The following CNNM3 variants were observed in gnomAD, a reference collection of about 807,000 sequenced individuals.
CNNM3 encodes cyclin and CBS domain divalent metal cation transport mediator 3, also known as metal transporter CNNM3.
Under a neutral mutation model 57.1 loss-of-function variants are expected in CNNM3, and 47 were observed. That is an observed-to-expected ratio of 0.82 (90% CI 0.65 to 1.05). The LOEUF (loss-of-function observed/expected upper bound fraction) is 1.05, where lower values mean the gene tolerates loss of function less well. CNNM3 is among the 50% of genes least tolerant of loss of function. CNNM3 has a pLI of 0.00. For synonymous variants in CNNM3, 507 were observed against 478.2 expected, an observed-to-expected ratio of 1.06 and a Z score of -0.79; for missense variants, 957 against 973.7, an observed-to-expected ratio of 0.98 and a Z score of 0.23.
chr2:96,817,741 G>C lies in CNNM3; in HGVS notation c.1225+239G>C, dbSNP rs560240561. On this transcript the variant is annotated intron_variant, in intron 1 of 7. Transcript: ENST00000305510. ...AGACAGCGAACACTTTAACCCCCGC[G>C]TCAGGATAGCCCCCCCCCCCCATTT... Among the ~76,000 whole-genome samples, 42 of 145,668 alleles carry C rather than the reference G, an allele frequency of 2.9e-4. No homozygotes were observed. In the South Asian group the frequency reaches 6.8e-3, roughly 24 times the overall value.
rs973779687 is a variant in CNNM3, at chr2:96,833,083, A to C, written c.*467A>C. On this transcript the variant is annotated 3_prime_UTR_variant, in exon 8 of 8. Transcript: ENST00000305510. Reference sequence around the variant, plus strand: ...CTTTTTGAGCAAGCCGAGAGCACCCATTTTGGCTGGGGGTTCAGATCGATG... The same window carrying C: ...CTTTTTGAGCAAGCCGAGAGCACCCCTTTTGGCTGGGGGTTCAGATCGATG... 6.7e-6 allele frequency: 8 copies of C among 1,196,502 alleles called. No homozygotes were observed. The Admixed American group carries it at 6.9e-5, about 10-fold the overall frequency. The allele number at this position is 1,196,502 out of a possible 1,614,324, so 74.1% of individuals were successfully genotyped here.
At chr2:96,829,246 T>C in intron 7 of CNNM3, 112 bp downstream of exon 7, 2 of 1,356,162 alleles carry the variant, frequency 1.5e-6, no homozygotes, top group Non-Finnish European at 1.9e-6. Flanking sequence ...TTTCTCTCTT[T>C]TCTCCCCATC....
rs2079662884 is a variant in CNNM3 at position 96,834,717 on chromosome 2, C to T, written c.*2101C>T. 6.6e-6 allele frequency among the ~76,000 whole-genome samples: 1 copy of T among 152,156 alleles called. No individual in the cohort carries two copies. Among genetic ancestry groups the T allele is most frequent in the Non-Finnish European group, 1.5e-5 (1 of 68,042 alleles). ...TAACAGCTTACATATAACCTTGGTA[C>T]ATTTATCAAAACTAAAGGTGCAATC... On this transcript the variant is annotated 3_prime_UTR_variant, in exon 8 of 8. Transcript: ENST00000305510.
intron 2 of CNNM3, among the ~76,000 whole-genome samples, chr2:96,825,550 G>A (rs538370988): frequency 6.6e-6 from 1 of 152,276 alleles, no homozygotes; most frequent in South Asian, 2.1e-4. Context: ...TTTTGTTTTT[G>A]CAGGTTCTTT....
chr2:96,827,713 T>C lies in CNNM3; in HGVS notation c.1520-18T>C. On this transcript the variant is annotated intron_variant, in intron 3 of 7. Transcript: ENST00000305510. ...CTAGGCCCCAGTGGACACTGTCCCT[T>C]TTTTCCACCACGTGCAGAAGTGGAT... 2 of 1,606,292 alleles carry C rather than the reference T, an allele frequency of 1.2e-6. No individual in the cohort carries two copies. The highest frequency in any genetic ancestry group is 1.7e-6 in the Non-Finnish European group (2 of 1,174,106).
intron 1 of CNNM3, among the ~76,000 whole-genome samples, chr2:96,820,320 G>A (rs1037664626): frequency 1.3e-5 from 2 of 152,200 alleles, no homozygotes; most frequent in Admixed American, 6.5e-5. Context: ...GTGGCGGTGC[G>A]CCTTCACTAA....
intron 1 of CNNM3, 123 bp from the exon 2 acceptor site, chr2:96,824,933 CTG>C: frequency 9.7e-7 from 1 of 1,032,070 alleles, no homozygotes; most frequent in Non-Finnish European, 1.4e-6. Context: ...GAGTGTGGCT[CTG>C]TGCCTGGCAC....
intron 7 of CNNM3, among the ~76,000 whole-genome samples, chr2:96,830,381 G>T (rs922635772): frequency 9.2e-5 from 14 of 152,186 alleles, no homozygotes; most frequent in Admixed American, 5.9e-4. Flanking sequence ...CTGTTCTACA[G>T]GGCAGGAATG....
downstream of CNNM3, among the ~76,000 whole-genome samples, chr2:96,835,702 C>T (rs1374823870): frequency 2.6e-5 from 4 of 152,090 alleles, no homozygotes; most frequent in Non-Finnish European, 4.4e-5. Flanking sequence ...CTCCTGACTT[C>T]GTGATCTGCC....
intron 4 of CNNM3, 73 bp downstream of exon 4, chr2:96,827,973 G>A (rs2079538064): frequency 6.3e-7 from 1 of 1,578,610 alleles, no homozygotes; most frequent in African/African-American, 1.3e-5. Context: ...GAAGAGGGGA[G>A]CAGGGGCATG....
At chr2:96,829,215 G>GC (rs112517995) in intron 7 of CNNM3, 81 bp downstream of exon 7, 118 of 1,477,908 alleles carry the variant, frequency 8.0e-5, no homozygotes, top group Middle Eastern at 6.4e-4. Flanking sequence ...CACTCTCGCC[G>GC]CCCCCCCACC....
chr2:96,828,235 G>T, intron 5 of CNNM3, 40 bp downstream of exon 5: 1 of 1,525,104 alleles, frequency 6.6e-7, no homozygotes, highest in South Asian at 1.1e-5. Flanking sequence ...CCAGGGTGGA[G>T]GCTGCAGAGC....
chr2:96,828,211 G>A lies in CNNM3; in HGVS notation c.1786+16G>A. On this transcript the variant is annotated intron_variant, in intron 5 of 7. Transcript: ENST00000305510. ...CCATCCTCGGGTAAGCCACGGCCCT[G>A]CTGATGCTGAGGGCCAGGGTGGAGG... The A allele has an allele frequency of 6.3e-7, 1 of 1,597,642 alleles. No homozygotes were observed. The highest frequency in any genetic ancestry group is 1.3e-5 in the African/African-American group (1 of 74,622).
chr2:96,826,310 T>A (rs1227495449), intron 2 of CNNM3, among the ~76,000 whole-genome samples: 1 of 152,082 alleles, frequency 6.6e-6, no homozygotes, highest in Non-Finnish European at 1.5e-5. Flanking sequence ...CTTCCCAGAC[T>A]CAAGTGTTCC....
chr2:96,821,185 A>T (rs2079400956), intron 1 of CNNM3, among the ~76,000 whole-genome samples: 1 of 152,132 alleles, frequency 6.6e-6, no homozygotes, highest in Non-Finnish European at 1.5e-5. Context: ...TTCTGGTGAC[A>T]TCCCGGAGCT....
At position 96,816,883 on chromosome 2, in the gene CNNM3, C is replaced by T. The variant is rs2079328477; in HGVS notation, c.606C>T (p.Ala202=). The change falls in exon 1 of 8, where the codon GCC becomes GCT. Residue 202 remains alanine (A), a synonymous_variant. Coordinates refer to ENST00000305510, the MANE Select transcript of CNNM3 (RefSeq NM_017623.5). ...GCALGALLLL[A]SLAQAALAVL... ...CCTTGGGCGCGCTGCTGCTGCTGGC[C>T]AGCCTGGCGCAGGCGGCGCTGGCGG... is the stretch of plus-strand genomic sequence containing the variant. 2 of 1,107,128 alleles carry T rather than the reference C, an allele frequency of 1.8e-6. No homozygotes were observed. The highest frequency in any genetic ancestry group is 5.5e-5 in the East Asian group (1 of 18,176). 68.6% of individuals were successfully genotyped at this position (1,107,128 alleles called of 1,614,324 possible).
chr2:96,821,094 A>G (rs2079399560), intron 1 of CNNM3, among the ~76,000 whole-genome samples: 1 of 152,060 alleles, frequency 6.6e-6, no homozygotes, highest in South Asian at 2.1e-4. Context: ...CTGGAGGTTA[A>G]ATGGGGAGCT....
In CNNM3 at chr2:96,826,902, T is replaced by A; in HGVS notation, c.1439T>A (p.Leu480Ter). ...APLKRKEEFS[L>*]FKVSDDEYKV... ...CTGAAGCGGAAGGAGGAGTTCTCCT[T>A]GTTCAAGGTGTCTGATGATGAATAT... Residue 480 changes from leucine (L) to a stop codon, truncating the protein, a stop_gained, in exon 3 of 8, where the codon TTG becomes TAG. Transcript: ENST00000305510. LOFTEE classifies it high-confidence loss of function. The A allele has an allele frequency of 6.2e-7, 1 of 1,614,210 alleles. No individual in the cohort carries two copies. The highest frequency in any genetic ancestry group is 8.5e-7 in the Non-Finnish European group (1 of 1,180,032).
rs912744636 is a variant in CNNM3, at chr2:96,823,212, G to A, written c.1226-1846G>A. ...CCAGTGTGGCAGGCCATGGAGAATT[G>A]TGTGCCTTGTTCTAGAGAAGTTTGA... On this transcript the variant is annotated intron_variant, in intron 1 of 7. Coordinates refer to ENST00000305510, the MANE Select transcript of CNNM3 (RefSeq NM_017623.5). 5.7e-4 allele frequency among the ~76,000 whole-genome samples: 87 copies of A among 152,224 alleles called. 1 individual carries two copies. Among genetic ancestry groups the A allele is most frequent in the African/African-American group, 2.0e-3 (84 of 41,452 alleles).
Sources: allele counts gnomAD v4.1 joint callset (sites outside exome capture counted in the v4.1 genomes callset), GRCh38; gene constraint gnomAD v4.1.1; transcripts MANE v1.5; gene names NCBI Gene and HGNC (gene_info 2026-07-23, HGNC 2026-07-21).